The following DCC variants were observed in gnomAD, a reference collection of about 807,000 sequenced individuals.
DCC encodes netrin receptor DCC.
A neutral mutation model predicts 172.5 loss-of-function variants in DCC; 58 were observed. The ratio of observed to expected loss-of-function variants is 0.34; its 90% CI spans 0.27 to 0.42. DCC has a LOEUF of 0.42. Among genes scored for constraint, DCC ranks in the 10% least tolerant of loss-of-function variants. The pLI, the probability that DCC is intolerant of heterozygous loss-of-function variation, is 1.00. For synonymous variants in DCC, 709 were observed against 644.5 expected (o/e 1.10, Z -1.52); for missense variants, 1,740 against 1,791.0 (o/e 0.97, Z 0.51).
At chr18:52,991,920 A>G (rs976230428) in intron 5 of DCC, among the ~76,000 whole-genome samples, 1 of 152,200 alleles carries the variant, frequency 6.6e-6, no homozygotes, top group Non-Finnish European at 1.5e-5. Flanking sequence ...AGCTAAACAA[A>G]TCACTTATTA....
At chr18:52,529,507 GTCTCGA>G (rs2032107740) in intron 1 of DCC, among the ~76,000 whole-genome samples, 1 of 152,148 alleles carries the variant, frequency 6.6e-6, no homozygotes, top group South Asian at 2.1e-4. Flanking sequence ...AGCCAGGATG[GTCTCGA>G]TCTCCTGACC....
chr18:52,699,272 T>A (rs2036065359), intron 1 of DCC, among the ~76,000 whole-genome samples: 1 of 152,022 alleles, frequency 6.6e-6, no homozygotes, highest in African/African-American at 2.4e-5. Flanking sequence ...GCTGGGACCA[T>A]CCCCCTGAGA....
chr18:53,323,437 A>G (rs2057433501), intron 14 of DCC, among the ~76,000 whole-genome samples: 1 of 152,264 alleles, frequency 6.6e-6, no homozygotes, highest in Non-Finnish European at 1.5e-5. Context: ...AAGAATGTTT[A>G]TAGAAGTCTT....
At chr18:52,455,555 C>T (rs1988431312) in intron 1 of DCC, among the ~76,000 whole-genome samples, 1 of 152,166 alleles carries the variant, frequency 6.6e-6, no homozygotes, top group Non-Finnish European at 1.5e-5. Flanking sequence ...TCAAATTTGG[C>T]CAGTGGCCTC....
intron 9 of DCC, among the ~76,000 whole-genome samples, chr18:53,182,801 C>G (rs1698281838): frequency 6.6e-6 from 1 of 152,070 alleles, no homozygotes; most frequent in African/African-American, 2.4e-5. Context: ...CCTTTCCTTT[C>G]CCATTCCTTC....
intron 5 of DCC, among the ~76,000 whole-genome samples, chr18:53,027,836 C>G (rs77867423): frequency 0.046 from 6,829 of 148,896 alleles, 207 homozygotes; most frequent in Non-Finnish European, 0.068. Flanking sequence ...TTTTTTTTTT[C>G]TGTTCTAATC....
chr18:52,447,576 C>T (rs956187032), intron 1 of DCC, among the ~76,000 whole-genome samples: 4 of 152,146 alleles, frequency 2.6e-5, no homozygotes, highest in African/African-American at 9.6e-5. Flanking sequence ...AGTCTGTTCT[C>T]GAACTGCTAT....
At chr18:52,901,388 C>T (rs2039806644) in intron 2 of DCC, among the ~76,000 whole-genome samples, 1 of 152,006 alleles carries the variant, frequency 6.6e-6, no homozygotes, top group Non-Finnish European at 1.5e-5. Flanking sequence ...TGAGATCGTG[C>T]CAACACACTC....
At chr18:53,435,565 T>G (rs779983373) in intron 22 of DCC, among the ~76,000 whole-genome samples, 1 of 152,092 alleles carries the variant, frequency 6.6e-6, no homozygotes, top group African/African-American at 2.4e-5. Context: ...CTAATTTTAT[T>G]TGAGAGAGGT....
chr18:52,508,099 C>CAA (rs11308825), intron 1 of DCC, among the ~76,000 whole-genome samples: 15 of 148,102 alleles, frequency 1.0e-4, no homozygotes, highest in South Asian at 4.3e-4. Flanking sequence ...GACTCTGTCT[C>CAA]AAAAAAAAAA....
intron 2 of DCC, among the ~76,000 whole-genome samples, chr18:52,841,578 A>AGT (rs2038808222): frequency 6.6e-6 from 1 of 152,178 alleles, no homozygotes; most frequent in Non-Finnish European, 1.5e-5. Context: ...CAGTACATGT[A>AGT]GTGAGAAGTA....
chr18:52,724,869 A>G (rs1372765519), intron 1 of DCC, among the ~76,000 whole-genome samples: 2 of 152,158 alleles, frequency 1.3e-5, no homozygotes, highest in Non-Finnish European at 2.9e-5. Flanking sequence ...GGTCTTCACT[A>G]CTAAGGAAGC....
At chr18:52,959,334 T>C (rs1374284860) in intron 5 of DCC, among the ~76,000 whole-genome samples, 2 of 152,168 alleles carry the variant, frequency 1.3e-5, no homozygotes, top group African/African-American at 4.8e-5. Flanking sequence ...AAATTGTTCA[T>C]GTTAACTCAA....
chr18:53,099,930 C>CTTTCTTTTT (rs1568304400), intron 7 of DCC, among the ~76,000 whole-genome samples: 1 of 89,710 alleles, frequency 1.1e-5, no homozygotes, highest in Non-Finnish European at 2.2e-5. Flanking sequence ...CTTTTCTTTT[C>CTTTCTTTTT]TTTTCTTTCT....
At chr18:53,397,764 G>A (rs1197376058) in intron 18 of DCC, among the ~76,000 whole-genome samples, 2 of 152,004 alleles carry the variant, frequency 1.3e-5, no homozygotes, top group African/African-American at 4.8e-5. Context: ...AATGAACTTG[G>A]TCCAAAACAG....
intron 9 of DCC, among the ~76,000 whole-genome samples, chr18:53,183,934 T>C (rs1352015495): frequency 1.3e-5 from 2 of 151,618 alleles, no homozygotes; most frequent in Admixed American, 6.6e-5. Context: ...ATTCCTCTTC[T>C]TCCTAAGTTG....
At chr18:52,512,970 C>T (rs910018641) in intron 1 of DCC, among the ~76,000 whole-genome samples, 1 of 152,044 alleles carries the variant, frequency 6.6e-6, no homozygotes, top group Non-Finnish European at 1.5e-5. Flanking sequence ...ATGAAGATGG[C>T]TTATACCAAT....
intron 5 of DCC, among the ~76,000 whole-genome samples, chr18:53,007,123 C>A (rs1250734417): frequency 6.6e-6 from 1 of 151,980 alleles, no homozygotes; most frequent in Non-Finnish European, 1.5e-5. Context: ...TGTATGTACT[C>A]CAAGCTTTAT....
intron 1 of DCC, among the ~76,000 whole-genome samples, chr18:52,479,572 C>A (rs1989195115): frequency 1.5e-5 from 1 of 68,290 alleles, no homozygotes; most frequent in Admixed American, 2.8e-4. Context: ...CACTCCCTAC[C>A]TCCCTCCACC....
Sources: gnomAD v4.1 joint callset for allele counts (sites outside exome capture counted in the v4.1 genomes callset) on GRCh38, gnomAD v4.1.1 for gene constraint, MANE v1.5 for transcripts, NCBI Gene and HGNC (gene_info 2026-07-23, HGNC 2026-07-21) for gene names.